Variants in TNKS observed in about 807,000 individuals in gnomAD.
The protein encoded by TNKS is tankyrase.
In TNKS, 72 loss-of-function variants were observed where a neutral mutation model predicts 135.8. The observed-to-expected ratio is 0.53, with a 90% confidence interval of 0.44 to 0.64. TNKS has a LOEUF of 0.64. TNKS is among the 30% of genes least tolerant of loss of function. The probability of loss-of-function intolerance (pLI) is 0.00; values close to 1 mark genes in which losing one functional copy is unlikely to be tolerated. For missense variants in TNKS, 1,769 were observed against 1,674.0 expected, an observed-to-expected ratio of 1.06 and a Z score of -0.99; for synonymous variants, 849 against 649.3, an observed-to-expected ratio of 1.31 and a Z score of -4.68.
At chr8:9,695,816 A>G (rs1292514899) in intron 5 of TNKS, among the ~76,000 whole-genome samples, 11 of 152,212 alleles carry the variant, frequency 7.2e-5, no homozygotes, top group African/African-American at 2.7e-4. Flanking sequence ...TGGGTTGAGC[A>G]TAGTGTGTGG....
At chr8:9,722,986 C>T (rs59004915) in intron 12 of TNKS, among the ~76,000 whole-genome samples, 22,470 of 151,678 alleles carry the variant, frequency 0.15, 1,975 homozygotes, top group East Asian at 0.2. Flanking sequence ...TATTTTTCTT[C>T]GATTATTTTG....
intron 25 of TNKS, among the ~76,000 whole-genome samples, chr8:9,769,645 A>C (rs1213006641): frequency 2.0e-5 from 2 of 100,800 alleles, no homozygotes; most frequent in South Asian, 3.5e-4. Flanking sequence ...TTTGAGACGG[A>C]GTCTCGCTCT....
chr8:9,587,441 C>T (rs1798426691), intron 2 of TNKS, among the ~76,000 whole-genome samples: 1 of 151,290 alleles, frequency 6.6e-6, no homozygotes, highest in Non-Finnish European at 1.5e-5. Context: ...GCTCTGTCGC[C>T]CAGGCTGGAG....
chr8:9,672,564 G>A (rs1303235126), intron 3 of TNKS, among the ~76,000 whole-genome samples: 1 of 147,528 alleles, frequency 6.8e-6, no homozygotes, highest in Admixed American at 6.8e-5. Flanking sequence ...AGAACAAAAT[G>A]TAAAAACTAT....
chr8:9,735,028 A>G lies in TNKS; in HGVS notation c.2477A>G (p.Glu826Gly), dbSNP rs1392345108. The change falls in exon 16 of 27, where the codon GAG becomes GGG. Residue 826 changes from glutamate to glycine, a missense_variant. Around this residue, in one of 5 missense-constraint regions of TNKS, gnomAD observed 722 missense variants for 688.9 expected, o/e 1.05. Transcript: ENST00000310430. Reference protein sequence around the residue: ...LARVQKLCTPENINCRDTQGR... With the variant: ...LARVQKLCTPGNINCRDTQGR... ...AGAGTGCAGAAGCTCTGTACCCCAG[A>G]GAATATCAACTGCAGAGACACCCAG... 7 of 1,614,212 alleles carry G rather than the reference A, an allele frequency of 4.3e-6. No homozygotes were observed. The highest frequency in any genetic ancestry group is 5.1e-6 in the Non-Finnish European group (6 of 1,180,032).
chr8:9,642,917 A>C (rs1276167417), intron 3 of TNKS, among the ~76,000 whole-genome samples: 1 of 146,394 alleles, frequency 6.8e-6, no homozygotes, highest in African/African-American at 2.5e-5. Context: ...TATTGTTATA[A>C]AGTAACTGAT....
At chr8:9,573,370 C>T (rs1797832363) in intron 1 of TNKS, among the ~76,000 whole-genome samples, 3 of 152,124 alleles carry the variant, frequency 2.0e-5, no homozygotes, top group Admixed American at 1.3e-4. Flanking sequence ...ATAGAAAGAG[C>T]TTGGTTGGTT....
At chr8:9,558,958 T>C (rs1003033832) in intron 1 of TNKS, 1 of 152,202 alleles carries the variant, frequency 6.6e-6, no homozygotes, top group Non-Finnish European at 1.5e-5. Context: ...CTGGTTATTA[T>C]GATAGTAATT....
chr8:9,769,998 A>C, intron 25 of TNKS, 108 bp from the exon 26 acceptor site: 1 of 966,182 alleles, frequency 1.0e-6, no homozygotes, highest in Non-Finnish European at 1.5e-6. Flanking sequence ...ATGACATTTA[A>C]ATTAGCTTGC....
At chr8:9,771,322 A>C (rs1335806995) in intron 26 of TNKS, among the ~76,000 whole-genome samples, 7 of 123,342 alleles carry the variant, frequency 5.7e-5, no homozygotes, top group African/African-American at 2.2e-4. Context: ...AAGAGAGAAG[A>C]AAGGAGGGAG....
chr8:9,712,266 G>T (rs534709715), intron 11 of TNKS, among the ~76,000 whole-genome samples: 1 of 152,294 alleles, frequency 6.6e-6, no homozygotes, highest in African/African-American at 2.4e-5. Context: ...GATTGCTTGA[G>T]GCCAGGAGTT....
intron 3 of TNKS, among the ~76,000 whole-genome samples, chr8:9,638,351 G>C (rs770203690): frequency 2.0e-5 from 3 of 152,174 alleles, no homozygotes; most frequent in Non-Finnish European, 4.4e-5. Context: ...ATTAGTTAAA[G>C]TATACCTTGG....
intron 15 of TNKS, among the ~76,000 whole-genome samples, chr8:9,734,510 G>A (rs551930381): frequency 1.3e-4 from 20 of 152,118 alleles, no homozygotes; most frequent in African/African-American, 3.6e-4. Flanking sequence ...GTATCTTTAT[G>A]TAATTGAATC....
At chr8:9,626,127 G>C (rs568964911) in intron 3 of TNKS, among the ~76,000 whole-genome samples, 1 of 152,234 alleles carries the variant, frequency 6.6e-6, no homozygotes, top group African/African-American at 2.4e-5. Flanking sequence ...TGTTATAAAT[G>C]TGATTGACCC....
At chr8:9,651,063 T>G (rs1482999667) in intron 3 of TNKS, among the ~76,000 whole-genome samples, 2 of 152,132 alleles carry the variant, frequency 1.3e-5, no homozygotes, top group Admixed American at 6.5e-5. Flanking sequence ...CACCATTTGT[T>G]AACTACGGTG....
intron 11 of TNKS, among the ~76,000 whole-genome samples, chr8:9,718,162 C>A (rs760641292): frequency 1.3e-5 from 2 of 152,002 alleles, no homozygotes; most frequent in African/African-American, 2.4e-5. Flanking sequence ...TATATTAATG[C>A]CTGTTAATTT....
chr8:9,747,345 C>G (rs1206587985), intron 17 of TNKS, among the ~76,000 whole-genome samples: 1 of 140,478 alleles, frequency 7.1e-6, no homozygotes, highest in Non-Finnish European at 1.5e-5. Flanking sequence ...AATTTTTTTT[C>G]TTTCAAAATT....
At chr8:9,651,357 A>G (rs747406455) in intron 3 of TNKS, among the ~76,000 whole-genome samples, 6 of 152,220 alleles carry the variant, frequency 3.9e-5, no homozygotes, top group Non-Finnish European at 4.4e-5. Flanking sequence ...TAGGAAAGTG[A>G]TTGACATATG....
At position 9,556,326 on chromosome 8, in the gene TNKS, G is replaced by A. The variant is rs1230115106; in HGVS notation, c.387G>A (p.Pro129=). 28 of 1,614,124 alleles carry A rather than the reference G, an allele frequency of 1.7e-5. No individual in the cohort carries two copies. The highest frequency in any genetic ancestry group is 2.7e-5 in the African/African-American group (2 of 74,936). The change falls in exon 1 of 27, where the codon CCG becomes CCA. Residue 129 remains proline (P), a synonymous_variant. Transcript: ENST00000310430. The part of the protein sequence containing the change: ...NPAGSGSNNS[P]SSSSSPTSSS... ...CCGGCAGTGGCAGTAACAATTCACCGTCGTCCTCTTCTTCCCCGACTTCTT... is the reference window on the plus strand; with the variant it reads ...CCGGCAGTGGCAGTAACAATTCACCATCGTCCTCTTCTTCCCCGACTTCTT...
Sources: gnomAD v4.1 joint callset for allele counts (sites outside exome capture counted in the v4.1 genomes callset) on GRCh38, gnomAD v4.1.1 for gene constraint, gnomAD v4.1.1 regional missense constraint, MANE v1.5 for transcripts, NCBI Gene and HGNC (gene_info 2026-07-23, HGNC 2026-07-21) for gene names.